The following DMD variants were observed in gnomAD, a reference collection of about 807,000 sequenced individuals.
DMD encodes dystrophin.
A neutral mutation model predicts 330.1 loss-of-function variants in DMD; 63 were observed. The observed-to-expected ratio is 0.19, with a 90% CI of 0.16 to 0.24. DMD has a LOEUF of 0.24. DMD is among the 10% of genes least tolerant of loss of function. The pLI, the probability that DMD is intolerant of heterozygous loss-of-function variation, is 1.00. For missense variants in DMD, 3,344 were observed against 2,684.1 expected (o/e 1.25, Z -5.43); for synonymous variants, 1,223 against 959.8 (o/e 1.27, Z -5.07).
At chrX:32,393,341 G>C (rs989114598) in intron 30 of DMD, among the ~76,000 whole-genome samples, 1 of 111,152 alleles carries the variant, frequency 9.0e-6, no homozygotes, top group Non-Finnish European at 1.9e-5. Flanking sequence ...AGAGCATAAG[G>C]AGTTTGGCAA....
chrX:32,895,490 C>T (rs1204785937), intron 2 of DMD, among the ~76,000 whole-genome samples: 1 of 111,298 alleles, frequency 9.0e-6, no homozygotes, highest in East Asian at 2.8e-4. Context: ...GGTTACTGTG[C>T]TAATCCACAC....
intron 59 of DMD, among the ~76,000 whole-genome samples, chrX:31,469,588 T>C (rs2067143790): frequency 8.9e-6 from 1 of 111,942 alleles, no homozygotes; most frequent in African/African-American, 3.2e-5. Context: ...CCTTTCTCTC[T>C]GGCTGCCCTT....
At chrX:32,316,216 T>C (rs749275488) in intron 41 of DMD, among the ~76,000 whole-genome samples, 25 of 111,732 alleles carry the variant, frequency 2.2e-4, no homozygotes, top group Non-Finnish European at 3.2e-4. Flanking sequence ...AAAATTCTTA[T>C]GGTTGAACAT....
At chrX:32,373,589 A>C (rs2097889125) in intron 34 of DMD, among the ~76,000 whole-genome samples, 2 of 111,995 alleles carry the variant, frequency 1.8e-5, no homozygotes, top group African/African-American at 6.5e-5. Flanking sequence ...ATGTGTCCTG[A>C]AGTATCTAGT....
At chrX:32,665,994 C>T (rs369176482) in intron 9 of DMD, among the ~76,000 whole-genome samples, 5 of 111,000 alleles carry the variant, frequency 4.5e-5, no homozygotes, top group African/African-American at 1.6e-4. Context: ...TAGTCAGAAC[C>T]TGACTGCTGC....
intron 44 of DMD, among the ~76,000 whole-genome samples, chrX:32,131,741 C>A (rs1415720731): frequency 8.9e-6 from 1 of 112,292 alleles, no homozygotes; most frequent in Non-Finnish European, 1.9e-5. Context: ...ACACGACATT[C>A]TCCTCTAGGT....
intron 9 of DMD, among the ~76,000 whole-genome samples, chrX:32,656,468 T>C (rs888598403): frequency 2.1e-4 from 24 of 112,273 alleles, no homozygotes; most frequent in African/African-American, 7.1e-4. Context: ...CTTGTGTTTT[T>C]GTTAGTGCCA....
chrX:32,920,542 C>T (rs1289360905), intron 2 of DMD, among the ~76,000 whole-genome samples: 1 of 111,909 alleles, frequency 8.9e-6, no homozygotes, highest in Admixed American at 9.5e-5. Flanking sequence ...TTTCCCTATC[C>T]TTCTTATCAC....
intron 2 of DMD, among the ~76,000 whole-genome samples, chrX:32,868,023 A>C (rs1452213616): frequency 9.1e-6 from 1 of 110,030 alleles, no homozygotes; most frequent in African/African-American, 3.3e-5. Flanking sequence ...CACCAGCAAC[A>C]GAGGTGTCCA....
intron 1 of DMD, among the ~76,000 whole-genome samples, chrX:33,189,849 T>C (rs973878553): frequency 1.8e-5 from 2 of 112,128 alleles, no homozygotes; most frequent in Admixed American, 9.5e-5. Context: ...TTTAAATGAA[T>C]GAAATTTCCC....
Position 32,554,685 on chromosome X carries a change from C to T in DMD, c.1993-9351G>A, listed in dbSNP as rs188401163. Among the ~76,000 whole-genome samples, 58 of 106,296 alleles carry T rather than the reference C, an allele frequency of 5.5e-4. 1 individual carries two copies. The highest frequency in any genetic ancestry group is 4.8e-3 in the Admixed American group (47 of 9,769). The allele number at this position is 106,296 out of a possible 115,157, so 92.3% of individuals were successfully genotyped here. On this transcript the variant is annotated intron_variant, in intron 16 of 78. Transcript: ENST00000357033. ...TGGAATCATAGCTGAATTCTACTAG[C>T]GGTACAAAGAAGAGCTGGTATCATT...
chrX:32,399,936 G>C (rs183051274), intron 30 of DMD, among the ~76,000 whole-genome samples: 179 of 111,337 alleles, frequency 1.6e-3, no homozygotes, highest in African/African-American at 5.7e-3. Context: ...TTTCCTGATT[G>C]AACACCCTTT....
intron 48 of DMD, among the ~76,000 whole-genome samples, chrX:31,857,555 T>C (rs1315512230): frequency 9.1e-6 from 1 of 110,206 alleles, no homozygotes; most frequent in Non-Finnish European, 1.9e-5. Flanking sequence ...CTATATTATT[T>C]GTGCCCTGTT....
intron 1 of DMD, among the ~76,000 whole-genome samples, chrX:33,200,701 A>G (rs1357021727): frequency 1.8e-5 from 2 of 110,879 alleles, no homozygotes; most frequent in African/African-American, 6.5e-5. Flanking sequence ...TATATTTAAT[A>G]TTAAAGAGTA....
At chrX:31,541,605 T>C (rs1035792686) in intron 55 of DMD, among the ~76,000 whole-genome samples, 1 of 108,756 alleles carries the variant, frequency 9.2e-6, no homozygotes, top group East Asian at 2.9e-4. Flanking sequence ...TTTCTGTCCT[T>C]GTGATAGTTT....
At position 32,846,268 on chromosome X, in the gene DMD, T is replaced by C. The variant is rs960445746; in HGVS notation, c.187-1408A>G. ...ATATAGATTACCATATAACTAATAA[T>C]TGGTGGAGCCAGGACCCAAACTTTT... On this transcript the variant is annotated intron_variant, in intron 3 of 78. Coordinates refer to ENST00000357033, the MANE Select transcript of DMD (RefSeq NM_004006.3). 3.6e-5 allele frequency among the ~76,000 whole-genome samples: 4 copies of C among 112,032 alleles called. No homozygotes were observed. In the Admixed American group the frequency reaches 3.8e-4, roughly 11 times the overall value.
intron 1 of DMD, among the ~76,000 whole-genome samples, chrX:33,338,351 T>A (rs962337344): frequency 9.1e-6 from 1 of 110,350 alleles, no homozygotes; most frequent in African/African-American, 3.3e-5. Context: ...AAAGTACTTA[T>A]AATTATAATC....
At chrX:32,284,030 A>G (rs1190952912) in intron 43 of DMD, among the ~76,000 whole-genome samples, 3 of 111,651 alleles carry the variant, frequency 2.7e-5, no homozygotes, top group African/African-American at 9.8e-5. Flanking sequence ...GGACTCTGGC[A>G]TGACAGCAAA....
intron 2 of DMD, among the ~76,000 whole-genome samples, chrX:32,923,510 A>C (rs966066657): frequency 1.8e-5 from 2 of 110,603 alleles, no homozygotes; most frequent in Admixed American, 1.9e-4. Context: ...GCAGTGAGCC[A>C]AGATCGCACC....
Sources: allele counts gnomAD v4.1 joint callset (sites outside exome capture counted in the v4.1 genomes callset), GRCh38; gene constraint gnomAD v4.1.1; transcripts MANE v1.5; gene names NCBI Gene and HGNC (gene_info 2026-07-23, HGNC 2026-07-21).